EIF3H: variants seen among roughly 807,000 people sequenced by gnomAD.
EIF3H encodes eukaryotic translation initiation factor 3 subunit H, also known as eIF-3-gamma.
A neutral mutation model predicts 44.2 loss-of-function variants in EIF3H; 26 were observed. That is an observed-to-expected ratio of 0.59 (90% CI 0.43 to 0.82). The LOEUF (loss-of-function observed/expected upper bound fraction) is 0.82, where lower values mean the gene tolerates loss of function less well. Among genes scored for constraint, EIF3H ranks in the 40% least tolerant of loss-of-function variants. The pLI, the probability that EIF3H is intolerant of heterozygous loss-of-function variation, is 0.00. For synonymous variants in EIF3H, 166 were observed against 151.9 expected, an observed-to-expected ratio of 1.09 and a Z score of -0.68; for missense variants, 359 against 432.8, an observed-to-expected ratio of 0.83 and a Z score of 1.51.
intron 2 of EIF3H, among the ~76,000 whole-genome samples, chr8:116,664,403 A>G (rs1463220889): frequency 6.6e-6 from 1 of 152,234 alleles, no homozygotes; most frequent in Non-Finnish European, 1.5e-5. Flanking sequence ...GCAACCAACC[A>G]AACAACAGTA....
chr8:116,739,782 A>G (rs1434178644), intron 1 of EIF3H, among the ~76,000 whole-genome samples: 1 of 152,102 alleles, frequency 6.6e-6, no homozygotes, highest in Admixed American at 6.5e-5. Context: ...TAATTCCTCT[A>G]GCGCCGCTGG....
At chr8:116,680,065 A>G (rs866184381) in intron 2 of EIF3H, among the ~76,000 whole-genome samples, 2,606 of 9,258 alleles carry the variant, frequency 0.28, 728 homozygotes, top group African/African-American at 0.49. Flanking sequence ...CGCCCTGTCC[A>G]GGAGGGAGGT....
rs1814121568 is a variant in EIF3H, at chr8:116,688,673, G to GCTA, written c.290-29696_290-29694dup. ...GGAACACTCAGGGAGAATCCATGGT[G>GCTA]CTACCTATGTTCTATTTCTTGACCA... On this transcript the variant is annotated intron_variant, in intron 2 of 7. Transcript: ENST00000521861. Among the ~76,000 whole-genome samples the GCTA allele has an allele frequency of 3.9e-5, 6 of 152,192 alleles. No individual in the cohort carries two copies. The South Asian group carries it at 1.2e-3, about 32-fold the overall frequency.
intron 2 of EIF3H, among the ~76,000 whole-genome samples, chr8:116,666,371 CAAG>C: frequency 6.6e-6 from 1 of 152,034 alleles, no homozygotes; most frequent in Admixed American, 6.6e-5. Context: ...TACTGTGTCT[CAAG>C]AAGTCTTCTA....
chr8:116,766,331 C>A (rs10283122), upstream of EIF3H: 223,107 of 382,766 alleles, frequency 0.58, 69,167 homozygotes, highest in Non-Finnish European at 0.67. Context: ...CATGTGCGCC[C>A]CCGTGCGGAA....
At chr8:116,698,377 A>G (rs1448381374) in intron 2 of EIF3H, among the ~76,000 whole-genome samples, 1 of 152,140 alleles carries the variant, frequency 6.6e-6, no homozygotes, top group Non-Finnish European at 1.5e-5. Context: ...AATGAAAATT[A>G]CCCCTCTCCT....
At position 116,658,086 on chromosome 8, in the gene EIF3H, A is replaced by G. The variant is rs141611238; in HGVS notation, c.457+727T>C. Among the ~76,000 whole-genome samples the G allele has an allele frequency of 1.5e-3, 227 of 152,380 alleles. 2 individuals are homozygous for G. The highest frequency in any genetic ancestry group is 5.4e-3 in the African/African-American group (223 of 41,598). On this transcript the variant is annotated intron_variant, in intron 3 of 7. Coordinates refer to ENST00000521861, the MANE Select transcript of EIF3H (RefSeq NM_003756.3). ...GTCTGATGATGCAATGTTTCCAGCC[A>G]ATATAAGTATACTTTAACAACTTGT...
chr8:116,677,079 C>G (rs1813861261), intron 2 of EIF3H, among the ~76,000 whole-genome samples: 1 of 152,134 alleles, frequency 6.6e-6, no homozygotes, highest in South Asian at 2.1e-4. Context: ...TGATAGCAAT[C>G]TAAAACACTG....
intron 2 of EIF3H, among the ~76,000 whole-genome samples, chr8:116,659,266 G>C (rs558155614): frequency 6.6e-6 from 1 of 152,094 alleles, no homozygotes; most frequent in Non-Finnish European, 1.5e-5. Context: ...TAAATGTGGC[G>C]TCTAACTCCC....
intron 1 of EIF3H, among the ~76,000 whole-genome samples, chr8:116,730,206 G>A (rs781234512): frequency 2.6e-5 from 4 of 152,158 alleles, no homozygotes; most frequent in South Asian, 2.1e-4. Context: ...CCAAGGCCAC[G>A]GACAGGTACT....
At chr8:116,727,109 T>C (rs1201895224) in intron 1 of EIF3H, among the ~76,000 whole-genome samples, 3 of 152,226 alleles carry the variant, frequency 2.0e-5, no homozygotes, top group Non-Finnish European at 4.4e-5. Flanking sequence ...AATATATTAT[T>C]GTTAGAAACG....
chr8:116,686,468 G>C (rs1814079648), intron 2 of EIF3H, among the ~76,000 whole-genome samples: 2 of 152,090 alleles, frequency 1.3e-5, no homozygotes, highest in Non-Finnish European at 2.9e-5. Flanking sequence ...TGGAAAGATA[G>C]TCATCAGTCA....
At chr8:116,685,948 C>G (rs925215876) in intron 2 of EIF3H, among the ~76,000 whole-genome samples, 1 of 152,128 alleles carries the variant, frequency 6.6e-6, no homozygotes, top group African/African-American at 2.4e-5. Context: ...TAGAAATCAA[C>G]GGCAAACTGA....
chr8:116,663,561 CCTTTTAGGCATTCTTAGT>C (rs1563635944), intron 2 of EIF3H, among the ~76,000 whole-genome samples: 1 of 152,094 alleles, frequency 6.6e-6, no homozygotes, highest in African/African-American at 2.4e-5. Context: ...TAGAAAAGAA[CCTTTTAGGCATTCTTAGT>C]ACAAAAAAGC....
chr8:116,702,433 C>T (rs867975696), intron 2 of EIF3H, among the ~76,000 whole-genome samples: 8 of 152,144 alleles, frequency 5.3e-5, no homozygotes, highest in South Asian at 4.1e-4. Flanking sequence ...GTCATTTAGC[C>T]ATAACCACGT....
chr8:116,747,051 A>G (rs998117728), intron 1 of EIF3H, among the ~76,000 whole-genome samples: 10 of 151,282 alleles, frequency 6.6e-5, no homozygotes, highest in African/African-American at 2.2e-4. Flanking sequence ...CTGGTTCAAT[A>G]ACATGTTTTT....
chr8:116,759,973 C>G (rs1300202947), upstream of EIF3H, among the ~76,000 whole-genome samples: 1 of 152,204 alleles, frequency 6.6e-6, no homozygotes, highest in East Asian at 1.9e-4. Flanking sequence ...TCAAGTGATC[C>G]TCCTACCTTG....
rs529675609 is a variant in EIF3H, at chr8:116,666,281, G to A, written c.290-7301C>T. Reference sequence around the variant, plus strand: ...AATAATGGAATGGGAATAGGGTGGGGGCAGGCATTGTCGCCCTATTTTATC... The same window carrying A: ...AATAATGGAATGGGAATAGGGTGGGAGCAGGCATTGTCGCCCTATTTTATC... On this transcript the variant is annotated intron_variant, in intron 2 of 7. Coordinates refer to ENST00000521861, the MANE Select transcript of EIF3H (RefSeq NM_003756.3). 2.6e-5 allele frequency among the ~76,000 whole-genome samples: 4 copies of A among 152,140 alleles called. No homozygotes were observed. The South Asian group carries it at 8.3e-4, about 32-fold the overall frequency.
intron 1 of EIF3H, among the ~76,000 whole-genome samples, chr8:116,740,880 C>T (rs999664694): frequency 7.9e-5 from 12 of 152,180 alleles, no homozygotes; most frequent in Admixed American, 2.0e-4. Context: ...ACCTTATCTA[C>T]CCTACCCATA....
Sources: gnomAD v4.1 joint callset for allele counts (sites outside exome capture counted in the v4.1 genomes callset) on GRCh38, gnomAD v4.1.1 for gene constraint, MANE v1.5 for transcripts, NCBI Gene and HGNC (gene_info 2026-07-23, HGNC 2026-07-21) for gene names.